The following TOMM70 variants were observed in gnomAD, a reference collection of about 807,000 sequenced individuals.
TOMM70 encodes translocase of outer mitochondrial membrane 70, also known as mitochondrial import receptor subunit TOM70.
TOMM70 carries 13 observed loss-of-function variants against 73.6 expected under a neutral mutation model. The observed-to-expected ratio is 0.18, with a 90% CI of 0.11 to 0.28. TOMM70 has a LOEUF of 0.28. Ranked by LOEUF, TOMM70 falls within the 10% of genes least tolerant of loss-of-function variation. The pLI, the probability that TOMM70 is intolerant of heterozygous loss-of-function variation, is 1.00. For synonymous variants in TOMM70, 257 were observed against 271.2 expected (o/e 0.95, Z 0.51); for missense variants, 609 against 747.5 (o/e 0.81, Z 2.16).
At chr3:100,379,533 C>T (rs1706606860) in intron 5 of TOMM70, among the ~76,000 whole-genome samples, 2 of 152,116 alleles carry the variant, frequency 1.3e-5, no homozygotes, top group Non-Finnish European at 2.9e-5. Context: ...GACATTGAGG[C>T]GAGAGGATAG....
intron 5 of TOMM70, among the ~76,000 whole-genome samples, chr3:100,378,913 AG>A (rs1706596870): frequency 6.6e-6 from 1 of 152,164 alleles, no homozygotes; most frequent in Non-Finnish European, 1.5e-5. Context: ...AGGCTGAGGC[AG>A]GAGAATGGCA....
At position 100,372,624 on chromosome 3, in the gene TOMM70, G is replaced by A. The variant is rs201232223; in HGVS notation, c.1434C>T (p.Gly478=). The A allele has an allele frequency of 3.7e-6, 6 of 1,613,758 alleles. No individual in the cohort carries two copies. The highest frequency in any genetic ancestry group is 1.6e-4 in the Middle Eastern group (1 of 6,062). The part of the protein sequence containing the change: ...VIKKFPRCAE[G]YALYAQALTD... Reference sequence around the variant, plus strand: ...CATTTACCTGGGCGTATAGTGCATAGCCTTCGGCACACCTTGGAAATTTCT... The same window carrying A: ...CATTTACCTGGGCGTATAGTGCATAACCTTCGGCACACCTTGGAAATTTCT... Residue 478 remains glycine (G), a synonymous_variant, in exon 9 of 12, where the codon GGC becomes GGT. Transcript: ENST00000284320.
Position 100,386,292 on chromosome 3 carries a change from G to C in TOMM70, c.551C>G (p.Pro184Arg). Reference sequence around the variant, plus strand: ...TCTAAAGAGAGCTTTCACATATTTGGGATTAAGTTCAACAGCTTTTGTACA... The same window carrying C: ...TCTAAAGAGAGCTTTCACATATTTGCGATTAAGTTCAACAGCTTTTGTACA... ...QDCTKAVELN[P>R]KYVKALFRRA... Residue 184 changes from proline (P) to arginine (R), a missense_variant, in exon 3 of 12, where the codon CCC becomes CGC. By Grantham distance (103) the Pro-to-Arg change is moderately radical. This residue lies in a region of TOMM70 where 432 missense variants were observed against 584.1 expected (regional missense o/e 0.74). Coordinates refer to ENST00000284320, the MANE Select transcript of TOMM70 (RefSeq NM_014820.5). 1.2e-6 allele frequency: 2 copies of C among 1,612,762 alleles called. No individual in the cohort carries two copies. The highest frequency in any genetic ancestry group is 1.7e-6 in the Non-Finnish European group (2 of 1,179,314).
Position 100,365,621 on chromosome 3 carries a change from G to A in TOMM70, c.1770C>T (p.Ala590=), listed in dbSNP as rs779927434. Residue 590 remains alanine (A), a synonymous_variant, in exon 12 of 12, where the codon GCC becomes GCT. Transcript: ENST00000284320. ...EMAHLYSLCD[A]AHAQTEVAKK... ...TTGCAACTTCTGTCTGGGCATGGGC[G>A]GCATCGCAAAGTGAATACAGATGGG... The A allele has an allele frequency of 5.6e-6, 9 of 1,614,050 alleles. No homozygotes were observed. The South Asian group carries it at 6.6e-5, about 12-fold the overall frequency.
intron 1 of TOMM70, among the ~76,000 whole-genome samples, chr3:100,387,274 C>T (rs1372281907): frequency 6.6e-6 from 1 of 152,000 alleles, no homozygotes; most frequent in Non-Finnish European, 1.5e-5. Flanking sequence ...TGTCGGAACC[C>T]CGTCTCTATT....
chr3:100,390,981 T>C (rs13097954), intron 1 of TOMM70, among the ~76,000 whole-genome samples: 3,995 of 145,902 alleles, frequency 0.027, 81 homozygotes, highest in Non-Finnish European at 0.04. Context: ...CTACTAAAAA[T>C]ACAAAAAAAA....
chr3:100,395,355 T>C (rs1706811194), intron 1 of TOMM70, among the ~76,000 whole-genome samples: 2 of 146,976 alleles, frequency 1.4e-5, no homozygotes, highest in African/African-American at 2.5e-5. Context: ...GGCAACAGAG[T>C]GAGACTCCAT....
At chr3:100,392,884 G>C (rs968559648) in intron 1 of TOMM70, among the ~76,000 whole-genome samples, 11 of 151,992 alleles carry the variant, frequency 7.2e-5, no homozygotes, top group African/African-American at 2.4e-4. Flanking sequence ...CCATTGCAAA[G>C]ATATGGAACT....
At chr3:100,370,824 G>C (rs1559830220) in intron 9 of TOMM70, among the ~76,000 whole-genome samples, 1 of 152,178 alleles carries the variant, frequency 6.6e-6, no homozygotes. Flanking sequence ...CTATCTTGAA[G>C]GCAGAATGGT....
At chr3:100,375,227 T>G (rs1706549130) in intron 6 of TOMM70, 75 bp from the exon 7 acceptor site, 1 of 1,458,522 alleles carries the variant, frequency 6.9e-7, no homozygotes, top group Admixed American at 2.4e-5. Flanking sequence ...AATAACAGCT[T>G]TTTTCTATAA....
chr3:100,369,307 GCA>G (rs1706483223), intron 9 of TOMM70, among the ~76,000 whole-genome samples, 172 bp from the exon 10 acceptor site: 1 of 152,064 alleles, frequency 6.6e-6, no homozygotes, highest in Non-Finnish European at 1.5e-5. Context: ...TTTTTAGGTG[GCA>G]CTGCTATAAA....
intron 8 of TOMM70, among the ~76,000 whole-genome samples, 191 bp downstream of exon 8, chr3:100,373,347 A>G (rs1706531297): frequency 6.6e-6 from 1 of 152,194 alleles, no homozygotes; most frequent in Admixed American, 6.6e-5. Flanking sequence ...ACAAACATCT[A>G]TCAAGATGAA....
At chr3:100,397,694 G>T (rs1035361506) in intron 1 of TOMM70, among the ~76,000 whole-genome samples, 1 of 152,030 alleles carries the variant, frequency 6.6e-6, no homozygotes, top group East Asian at 1.9e-4. Flanking sequence ...TTTGAGACCA[G>T]CCTGGCGAAC....
At chr3:100,368,427 A>AT (rs1706470962) in intron 10 of TOMM70, among the ~76,000 whole-genome samples, 2 of 152,184 alleles carry the variant, frequency 1.3e-5, no homozygotes, top group South Asian at 4.1e-4. Context: ...CTTTATATAA[A>AT]TTTAAGTGAA....
intron 9 of TOMM70, among the ~76,000 whole-genome samples, chr3:100,371,744 T>C (rs1706512145): frequency 1.3e-5 from 2 of 152,130 alleles, no homozygotes; most frequent in South Asian, 4.2e-4. Context: ...AATTTTTGCA[T>C]GGATGGGGGT....
At chr3:100,373,716 T>C (rs1706534984) in intron 7 of TOMM70, 71 bp from the exon 8 acceptor site, 5 of 984,380 alleles carry the variant, frequency 5.1e-6, no homozygotes, top group Middle Eastern at 2.1e-4. Context: ...CTCATCTCTA[T>C]TATTACACCT....
In TOMM70 at chr3:100,364,654, C is replaced by T. The variant is rs1043854659; in HGVS notation, c.*910G>A. Reference sequence around the variant, plus strand: ...TCATGGCACATTACAGCCTCGAGCTCCTGGTCTCAAGCCTCTTGCCTCAGC... The same window carrying T: ...TCATGGCACATTACAGCCTCGAGCTTCTGGTCTCAAGCCTCTTGCCTCAGC... On this transcript the variant is annotated 3_prime_UTR_variant, in exon 12 of 12. Transcript: ENST00000284320. The T allele has an allele frequency of 6.6e-6, 1 of 152,076 alleles. No homozygotes were observed. Among genetic ancestry groups the T allele is most frequent in the Non-Finnish European group, 1.5e-5 (1 of 68,020 alleles). 9.4% of individuals were successfully genotyped at this position (152,076 alleles called of 1,614,324 possible). A position where few individuals can be genotyped will look rare whatever the true frequency, so the allele number is the denominator to read the frequency against.
In TOMM70 at chr3:100,364,152, T is replaced by C. The variant is rs1012202361; in HGVS notation, c.*1412A>G. On this transcript the variant is annotated 3_prime_UTR_variant, in exon 12 of 12. Transcript: ENST00000284320. ...AGCATATAAGCAAAAGGATGGTCTA[T>C]AAAAGTGGAAAATGGAAATAAATCG... 1.3e-5 allele frequency: 2 copies of C among 152,114 alleles called. No homozygotes were observed. The highest frequency in any genetic ancestry group is 4.8e-5 in the African/African-American group (2 of 41,404). The allele number at this position is 152,114 out of a possible 1,614,324, so 9.4% of individuals were successfully genotyped here. A position where few individuals can be genotyped will look rare whatever the true frequency, so the allele number is the denominator to read the frequency against.
At chr3:100,394,780 G>A (rs1411900882) in intron 1 of TOMM70, among the ~76,000 whole-genome samples, 2 of 152,142 alleles carry the variant, frequency 1.3e-5, no homozygotes, top group South Asian at 2.1e-4. Flanking sequence ...TGGGATTACA[G>A]GTGTGAGCCA....
Sources: gnomAD v4.1 joint callset for allele counts (sites outside exome capture counted in the v4.1 genomes callset) on GRCh38, gnomAD v4.1.1 for gene constraint, gnomAD v4.1.1 regional missense constraint, MANE v1.5 for transcripts, NCBI Gene and HGNC (gene_info 2026-07-23, HGNC 2026-07-21) for gene names.